The following OR14A2 variants were observed in gnomAD, a reference collection of about 807,000 sequenced individuals.
OR14A2 encodes the protein olfactory receptor family 14 subfamily A member 2.
For missense variants in OR14A2, 237 were observed against 152.9 expected, an observed-to-expected ratio of 1.55 and a Z score of -2.90; for synonymous variants, 114 against 58.6, an observed-to-expected ratio of 1.95 and a Z score of -4.32.
At chr1:247,727,125 G>A (rs1285526475), upstream of OR14A2, among the ~76,000 whole-genome samples, 6 of 150,410 alleles carry the variant, frequency 4.0e-5, no homozygotes, top group African/African-American at 1.2e-4. Flanking sequence ...ACCTTGGGCA[G>A]TATGGCCATT....
the OR14A2 span, among the ~76,000 whole-genome samples, chr1:247,733,913 T>C: frequency 1.3e-5 from 2 of 152,158 alleles, no homozygotes; most frequent in East Asian, 3.8e-4. Context: ...TTTTGAGAAA[T>C]CTACAAAACA....
chr1:247,738,079 G>T, the OR14A2 span, among the ~76,000 whole-genome samples: 2 of 152,164 alleles, frequency 1.3e-5, no homozygotes, highest in East Asian at 1.9e-4. Flanking sequence ...CACCAAAGGA[G>T]TAAACTTTAA....
chr1:247,747,694 C>G, the OR14A2 span, among the ~76,000 whole-genome samples: 21 of 152,102 alleles, frequency 1.4e-4, no homozygotes, highest in South Asian at 1.9e-3. Flanking sequence ...AGTTTGGTCC[C>G]ATTAGATTTG....
chr1:247,723,666 A>C (rs1660259742), exon 1 of OR14A2: 1 of 718,664 alleles, frequency 1.4e-6, no homozygotes, highest in Non-Finnish European at 2.6e-6. Context: ...AGTTCAGGGG[A>C]CAGCAGATGG....
chr1:247,723,187 A>G lies in OR14A2; in HGVS notation c.857T>C (p.Val286Ala), dbSNP rs765529266. ...GTCATTGTTCCGCAGGCTGTAGGTT[A>G]CAGGGTTAAATACTGGAGGCATCAC... Residue 286 changes from valine (V) to alanine (A), a missense_variant, in exon 1 of 1, where the codon GTA becomes GCA. Val to Ala is a moderately conservative substitution (Grantham distance 64, BLOSUM62 0). Transcript: ENST00000366485. The G allele has an allele frequency of 2.8e-5, 20 of 717,666 alleles. No homozygotes were observed. In the South Asian group the frequency reaches 3.0e-4, roughly 11 times the overall value. The allele number at this position is 717,666 out of a possible 1,614,324, so 44.5% of individuals were successfully genotyped here. A position where few individuals can be genotyped will look rare whatever the true frequency, so the allele number is the denominator to read the frequency against.
At chr1:247,730,051 C>G in the OR14A2 span, among the ~76,000 whole-genome samples, 3 of 151,994 alleles carry the variant, frequency 2.0e-5, no homozygotes, top group Admixed American at 6.6e-5. Flanking sequence ...TCAATAATTA[C>G]TATATGTTTT....
the OR14A2 span, among the ~76,000 whole-genome samples, chr1:247,731,928 C>T: frequency 6.6e-6 from 1 of 152,006 alleles, no homozygotes; most frequent in African/African-American, 2.4e-5. Flanking sequence ...AGAATTTATC[C>T]TGAATATTAT....
the OR14A2 span, among the ~76,000 whole-genome samples, chr1:247,741,974 A>G: frequency 2.8e-4 from 42 of 152,336 alleles, no homozygotes; most frequent in African/African-American, 9.6e-4. Context: ...TTACCTTTAC[A>G]GTGATGATAC....
At chr1:247,739,477 A>T in the OR14A2 span, 1 of 780,782 alleles carries the variant, frequency 1.3e-6, no homozygotes, top group Non-Finnish European at 2.4e-6. Context: ...CCTGTTATCT[A>T]CTGTCTGAAG....
chr1:247,739,005 G>T, the OR14A2 span: 58 of 780,550 alleles, frequency 7.4e-5, no homozygotes, highest in Non-Finnish European at 1.2e-4. Context: ...CCTACACTGT[G>T]AGGCTGTCAT....
chr1:247,741,544 C>G, the OR14A2 span, among the ~76,000 whole-genome samples: 1 of 152,090 alleles, frequency 6.6e-6, no homozygotes, highest in Non-Finnish European at 1.5e-5. Context: ...ACTGAAGGCA[C>G]TGGATAATGA....
the OR14A2 span, among the ~76,000 whole-genome samples, chr1:247,736,564 TA>T: frequency 6.6e-6 from 1 of 152,152 alleles, no homozygotes; most frequent in Non-Finnish European, 1.5e-5. Context: ...AGGTGAAATA[TA>T]AATCAAAAAT....
the OR14A2 span, among the ~76,000 whole-genome samples, chr1:247,738,378 T>G: frequency 6.6e-6 from 1 of 152,230 alleles, no homozygotes; most frequent in Admixed American, 6.5e-5. Context: ...TGAAGTTCTT[T>G]GCTTCTTTCA....
At chr1:247,746,299 G>A in the OR14A2 span, 1 of 152,140 alleles carries the variant, frequency 6.6e-6, no homozygotes, top group African/African-American at 2.4e-5. Context: ...AGTGACATTA[G>A]CTCGAAGCCC....
chr1:247,738,677 C>G, the OR14A2 span: 3 of 780,780 alleles, frequency 3.8e-6, no homozygotes, highest in Non-Finnish European at 4.8e-6. Flanking sequence ...ATTGGGTGCT[C>G]CTGAGGCTGC....
At chr1:247,740,287 C>T in the OR14A2 span, among the ~76,000 whole-genome samples, 8 of 152,036 alleles carry the variant, frequency 5.3e-5, no homozygotes, top group Non-Finnish European at 8.8e-5. Flanking sequence ...ATCGATTCAA[C>T]GTTCTTTATA....
At chr1:247,730,946 A>G in the OR14A2 span, among the ~76,000 whole-genome samples, 2 of 152,148 alleles carry the variant, frequency 1.3e-5, no homozygotes. Flanking sequence ...AAACACCTTG[A>G]TAGACACACT....
At chr1:247,738,123 A>G in the OR14A2 span, among the ~76,000 whole-genome samples, 471 of 152,278 alleles carry the variant, frequency 3.1e-3, 3 homozygotes, top group African/African-American at 0.011. Context: ...AACATCCTTC[A>G]GTGAGAAGGG....
chr1:247,743,732 G>A, the OR14A2 span, among the ~76,000 whole-genome samples: 19 of 152,094 alleles, frequency 1.2e-4, no homozygotes, highest in East Asian at 7.7e-4. Context: ...ATCTTTGTTG[G>A]TTATATGCAT....
Sources: allele counts gnomAD v4.1 joint callset (sites outside exome capture counted in the v4.1 genomes callset), GRCh38; gene constraint gnomAD v4.1.1; transcripts MANE v1.5; gene names NCBI Gene and HGNC (gene_info 2026-07-23, HGNC 2026-07-21).